The following RAB40C variants were observed in gnomAD, a reference collection of about 807,000 sequenced individuals.
RAB40C encodes the protein ras-related protein Rab-40C.
A neutral mutation model predicts 28.1 loss-of-function variants in RAB40C; 8 were observed. That is an observed-to-expected ratio of 0.28 (90% confidence interval 0.17 to 0.51). The LOEUF (loss-of-function observed/expected upper bound fraction) is 0.51. Among genes scored for constraint, RAB40C ranks in the 20% least tolerant of loss-of-function variants. The probability of loss-of-function intolerance (pLI) is 0.97; values close to 1 mark genes in which losing one functional copy is unlikely to be tolerated. For synonymous variants in RAB40C, 201 were observed against 171.7 expected (o/e 1.17, Z -1.34); for missense variants, 288 against 405.9 (o/e 0.71, Z 2.50).
intron 3 of RAB40C, among the ~76,000 whole-genome samples, chr16:621,485 C>T (rs1463614112): frequency 1.3e-5 from 2 of 152,284 alleles, no homozygotes; most frequent in African/African-American, 4.8e-5. Flanking sequence ...AGGCCACCGG[C>T]CACTCCCCGC....
chr16:623,129 AG>A (rs769670603), intron 3 of RAB40C, among the ~76,000 whole-genome samples: 2 of 152,116 alleles, frequency 1.3e-5, no homozygotes, highest in East Asian at 3.9e-4. Context: ...AGGTGTGGCC[AG>A]GGCCCCCCGC....
intron 3 of RAB40C, among the ~76,000 whole-genome samples, 161 bp downstream of exon 3, chr16:618,421 A>G (rs1313898206): frequency 1.3e-5 from 2 of 152,138 alleles, no homozygotes; most frequent in Non-Finnish European, 2.9e-5. Flanking sequence ...ACAGAGACTC[A>G]CTCTGTCACC....
At chr16:615,042 C>T (rs543791759) in intron 1 of RAB40C, among the ~76,000 whole-genome samples, 2 of 152,328 alleles carry the variant, frequency 1.3e-5, no homozygotes, top group East Asian at 1.9e-4. Flanking sequence ...GTCTTGGAAA[C>T]GAGGACCCGA....
chr16:606,659 A>T (rs1307893709), intron 1 of RAB40C, among the ~76,000 whole-genome samples: 1 of 152,176 alleles, frequency 6.6e-6, no homozygotes, highest in Non-Finnish European at 1.5e-5. Flanking sequence ...TGGCAGTAGC[A>T]CCTTGCTGGG....
At chr16:624,587 G>T (rs775492767) in intron 3 of RAB40C, 123 of 985,278 alleles carry the variant, frequency 1.2e-4, no homozygotes, top group Non-Finnish European at 1.5e-4. Context: ...TTTTCAGATG[G>T]ACAGTGCCCT....
chr16:608,124 A>G (rs1318794548), intron 1 of RAB40C, among the ~76,000 whole-genome samples: 1 of 152,036 alleles, frequency 6.6e-6, no homozygotes, highest in Non-Finnish European at 1.5e-5. Flanking sequence ...TAATTGACTC[A>G]CAGTTCCGCA....
intron 3 of RAB40C, among the ~76,000 whole-genome samples, chr16:622,577 G>A (rs917530807): frequency 5.3e-5 from 8 of 152,150 alleles, no homozygotes; most frequent in South Asian, 4.1e-4. Context: ...GCGCGATCTC[G>A]GCTCACTGCA....
intron 1 of RAB40C, among the ~76,000 whole-genome samples, chr16:606,101 C>T (rs965023526): frequency 3.9e-5 from 6 of 152,198 alleles, no homozygotes; most frequent in Admixed American, 6.5e-5. Context: ...TTATTGCTGA[C>T]ACATAGTCCT....
intron 1 of RAB40C, among the ~76,000 whole-genome samples, chr16:613,121 C>T (rs985160972): frequency 2.2e-5 from 3 of 136,364 alleles, no homozygotes; most frequent in Non-Finnish European, 4.8e-5. Flanking sequence ...GGACAGCCGC[C>T]CTGGCCTGTA....
chr16:618,339 G>T, intron 3 of RAB40C, 79 bp downstream of exon 3: 1 of 1,378,496 alleles, frequency 7.3e-7, no homozygotes, highest in Admixed American at 2.2e-5. Flanking sequence ...TTGTTGTCCT[G>T]TCAAACTCCC....
At chr16:598,753 A>G (rs769297585) in intron 1 of RAB40C, among the ~76,000 whole-genome samples, 3 of 152,128 alleles carry the variant, frequency 2.0e-5, no homozygotes, top group East Asian at 1.9e-4. Context: ...AAAATAAAAA[A>G]TAAAGAAAAG....
rs1171477770 is a variant in RAB40C at position 616,129 on chromosome 16, C to T, written c.143-1079C>T. On this transcript the variant is annotated intron_variant, in intron 1 of 5. Coordinates refer to ENST00000248139, the MANE Select transcript of RAB40C (RefSeq NM_021168.5). ...AAAATTATCCGGGCATGGTGGCGGG[C>T]GCCTGTAGTTCAGCTACTCAGCAGG... is the stretch of plus-strand genomic sequence containing the variant. Among the ~76,000 whole-genome samples, 28 of 151,322 alleles carry T rather than the reference C, an allele frequency of 1.9e-4. No individual in the cohort carries two copies. The East Asian group carries it at 2.9e-3, about 16-fold the overall frequency.
chr16:611,082 G>A (rs1325750107), intron 1 of RAB40C, among the ~76,000 whole-genome samples: 1 of 152,218 alleles, frequency 6.6e-6, no homozygotes, highest in Non-Finnish European at 1.5e-5. Context: ...ACCGGGTGCG[G>A]AGCCTGCAGG....
intron 1 of RAB40C, among the ~76,000 whole-genome samples, chr16:614,763 C>G (rs577829353): frequency 6.6e-6 from 1 of 151,842 alleles, no homozygotes; most frequent in Non-Finnish European, 1.5e-5. Context: ...CTAACTCTGC[C>G]GCATCCCGAC....
chr16:625,864 T>C, intron 4 of RAB40C, 35 bp from the exon 5 acceptor site: 1 of 1,569,612 alleles, frequency 6.4e-7, no homozygotes, highest in Non-Finnish European at 8.7e-7. Context: ...GGTGGCACCC[T>C]GCGTTTGTGC....
In RAB40C at chr16:627,584, C is replaced by A. The variant is rs754026121; in HGVS notation, c.808C>A (p.Pro270Thr). ...SKSIRPPQSP[P>T]QNCSRSNCKI... is the part of the protein sequence containing the mutation. ...GTCCATCCGTCCACCCCAGAGCCCCCCCCAGAACTGCTCGCGGAGTAACTG... is the reference window on the plus strand; with the variant it reads ...GTCCATCCGTCCACCCCAGAGCCCCACCCAGAACTGCTCGCGGAGTAACTG... The change falls in exon 6 of 6, where the codon CCC (proline) becomes ACC (threonine). Residue 270 changes from proline (P) to threonine (T), a missense_variant. Physicochemically the swap from Pro to Thr is conservative, Grantham distance 38. Transcript: ENST00000248139. 6 of 1,604,880 alleles carry A rather than the reference C, an allele frequency of 3.7e-6. No individual in the cohort carries two copies. The highest frequency in any genetic ancestry group is 5.1e-6 in the Non-Finnish European group (6 of 1,174,282).
rs376126601 is a variant in RAB40C, at chr16:627,526, C to G, written c.750C>G (p.Gly250=). 1 of 1,613,472 alleles carries G rather than the reference C, an allele frequency of 6.2e-7. No homozygotes were observed. The highest frequency in any genetic ancestry group is 1.1e-5 in the South Asian group (1 of 91,058). ...SYSLASGAGG[G]GSKGNSLKRS... Reference sequence around the variant, plus strand: ...CCCTGGCCAGCGGGGCCGGGGGCGGCGGCAGCAAGGGCAACAGCCTCAAGA... The same window carrying G: ...CCCTGGCCAGCGGGGCCGGGGGCGGGGGCAGCAAGGGCAACAGCCTCAAGA... Residue 250 remains glycine (G), a synonymous_variant, in exon 6 of 6, where the codon GGC becomes GGG. Transcript: ENST00000248139.
At chr16:602,052 G>C (rs1346893673) in intron 1 of RAB40C, among the ~76,000 whole-genome samples, 1 of 152,078 alleles carries the variant, frequency 6.6e-6, no homozygotes, top group Non-Finnish European at 1.5e-5. Flanking sequence ...CTTCAACCCA[G>C]GAGGCAGAGG....
rs566735865 is a variant in RAB40C at position 615,862 on chromosome 16, T to C, written c.143-1346T>C. ...CTGTAATCCCAGCTACTTGGGAGGC[T>C]GAGGCAGGAGAATCGCTTGAACCCG... On this transcript the variant is annotated intron_variant, in intron 1 of 5. Coordinates refer to ENST00000248139, the MANE Select transcript of RAB40C (RefSeq NM_021168.5). 1.9e-4 allele frequency among the ~76,000 whole-genome samples: 29 copies of C among 152,222 alleles called. No homozygotes were observed. The South Asian group carries it at 6.0e-3, about 32-fold the overall frequency.
Sources: allele counts gnomAD v4.1 joint callset (sites outside exome capture counted in the v4.1 genomes callset), GRCh38; gene constraint gnomAD v4.1.1; transcripts MANE v1.5; gene names NCBI Gene and HGNC (gene_info 2026-07-23, HGNC 2026-07-21).